Variants in SLC22A23 observed in about 807,000 individuals in gnomAD.
SLC22A23 encodes solute carrier family 22 member 23.
SLC22A23 carries 26 observed loss-of-function variants against 61.0 expected under a neutral mutation model. The observed-to-expected ratio is 0.43, with a 90% CI of 0.31 to 0.59. SLC22A23 has a LOEUF of 0.59. Ranked by LOEUF, SLC22A23 falls within the 20% of genes least tolerant of loss-of-function variation. The probability of loss-of-function intolerance (pLI) is 0.11; values close to 1 mark genes in which losing one functional copy is unlikely to be tolerated. For synonymous variants in SLC22A23, 430 were observed against 413.9 expected (o/e 1.04, Z -0.47); for missense variants, 796 against 934.7 (o/e 0.85, Z 1.94).
At chr6:3,434,504 G>A (rs1464941403) in intron 1 of SLC22A23, among the ~76,000 whole-genome samples, 1 of 151,938 alleles carries the variant, frequency 6.6e-6, no homozygotes, top group East Asian at 1.9e-4. Flanking sequence ...AGCTACTCAG[G>A]AGGCTGAGGC....
At position 3,283,395 on chromosome 6, in the gene SLC22A23, G is replaced by T. The variant is rs549406236; in HGVS notation, c.1703+457C>A. On this transcript the variant is annotated intron_variant, in intron 9 of 9. Coordinates refer to ENST00000406686, the MANE Select transcript of SLC22A23 (RefSeq NM_015482.2). Reference sequence around the variant, plus strand: ...TGCAGTGAGCCAAGATCATGCCATTGTACTCCAGGCTGGGCAATAAGAGTG... The same window carrying T: ...TGCAGTGAGCCAAGATCATGCCATTTTACTCCAGGCTGGGCAATAAGAGTG... The T allele has an allele frequency of 2.1e-5, 5 of 233,052 alleles. No homozygotes were observed. The East Asian group carries it at 5.8e-4, about 27-fold the overall frequency. The allele number at this position is 233,052 out of a possible 1,614,324, so 14.4% of individuals were successfully genotyped here. A position where few individuals can be genotyped will look rare whatever the true frequency, so the allele number is the denominator to read the frequency against.
intron 3 of SLC22A23, among the ~76,000 whole-genome samples, chr6:3,355,843 C>T (rs557106128): frequency 3.3e-5 from 5 of 150,676 alleles, no homozygotes; most frequent in African/African-American, 1.2e-4. Context: ...TCCCTGTCTC[C>T]GCATCGACAC....
intron 1 of SLC22A23, among the ~76,000 whole-genome samples, chr6:3,446,882 G>A (rs906393302): frequency 1.3e-5 from 2 of 152,074 alleles, no homozygotes; most frequent in Non-Finnish European, 1.5e-5. Flanking sequence ...CTGGCTAAGG[G>A]CATCTCCCTG....
intron 1 of SLC22A23, among the ~76,000 whole-genome samples, chr6:3,440,029 C>T (rs887641800): frequency 8.6e-5 from 13 of 151,970 alleles, no homozygotes; most frequent in African/African-American, 2.7e-4. Flanking sequence ...TGGAGAGCCA[C>T]GGAGGATTTG....
At chr6:3,366,902 A>C (rs1765872821) in intron 3 of SLC22A23, among the ~76,000 whole-genome samples, 1 of 152,174 alleles carries the variant, frequency 6.6e-6, no homozygotes, top group Admixed American at 6.5e-5. Context: ...CTTAGTTGAT[A>C]TTTGTCAGTG....
chr6:3,449,886 A>C (rs1772085339), intron 1 of SLC22A23, among the ~76,000 whole-genome samples: 1 of 152,268 alleles, frequency 6.6e-6, no homozygotes, highest in East Asian at 1.9e-4. Flanking sequence ...GACTGGAGAC[A>C]AACTTAATGC....
intron 3 of SLC22A23, among the ~76,000 whole-genome samples, chr6:3,340,434 C>T (rs1041385791): frequency 2.6e-5 from 4 of 152,118 alleles, no homozygotes; most frequent in Non-Finnish European, 5.9e-5. Context: ...CATACGTAAC[C>T]GCAGCAGAGT....
chr6:3,306,328 G>A (rs1228852992), intron 4 of SLC22A23, among the ~76,000 whole-genome samples: 1 of 152,168 alleles, frequency 6.6e-6, no homozygotes, highest in African/African-American at 2.4e-5. Context: ...ATTTGGAAGG[G>A]ACTCATGTGC....
intron 1 of SLC22A23, among the ~76,000 whole-genome samples, chr6:3,439,917 T>G (rs977989020): frequency 2.6e-5 from 4 of 151,858 alleles, no homozygotes; most frequent in Non-Finnish European, 5.9e-5. Flanking sequence ...AATCGGTGGG[T>G]GGAGCTCTGG....
chr6:3,381,706 A>G (rs1009672942), intron 3 of SLC22A23, among the ~76,000 whole-genome samples: 2 of 152,184 alleles, frequency 1.3e-5, no homozygotes, highest in African/African-American at 2.4e-5. Flanking sequence ...TATTTCTTAC[A>G]GGCTTATGGT....
chr6:3,282,087 T>A, intron 9 of SLC22A23: 1 of 628,082 alleles, frequency 1.6e-6, no homozygotes, highest in Non-Finnish European at 2.9e-6. Flanking sequence ...AGCCACCCCC[T>A]CCCCCAACAA....
chr6:3,378,657 C>CT (rs574704294), intron 3 of SLC22A23, among the ~76,000 whole-genome samples: 69,928 of 118,472 alleles, frequency 0.59, 21,240 homozygotes, highest in South Asian at 0.68. Context: ...TTTCTTTTTT[C>CT]TTTTTTTTTT....
rs770285780 is a variant in SLC22A23, at chr6:3,273,301, G to A, written c.1815C>T (p.Ala605=). ...AGATGATGCAGATGAGCGTGCAGCA[G>A]GCAAAGATGATGTGGTGCAGGAAGT... ...KGYFLHHIIF[A]CCTLICIICI... is the part of the protein sequence containing the mutation. Residue 605 remains alanine (A), a synonymous_variant, in exon 10 of 10, where the codon GCC becomes GCT. Coordinates refer to ENST00000406686, the MANE Select transcript of SLC22A23 (RefSeq NM_015482.2). 1 of 1,614,122 alleles carries A rather than the reference G, an allele frequency of 6.2e-7. No homozygotes were observed. The highest frequency in any genetic ancestry group is 8.5e-7 in the Non-Finnish European group (1 of 1,179,978).
rs41301849 is a variant in SLC22A23 at position 3,287,164 on chromosome 6, G to C, written c.1314-73C>G. ...GGGCTGCGCTGCCTCCTGGGAGTTC[G>C]TGCTGTCAGGTGACCAGGAGATGAA... On this transcript the variant is annotated intron_variant, in intron 6 of 9. Coordinates refer to ENST00000406686, the MANE Select transcript of SLC22A23 (RefSeq NM_015482.2). The C allele has an allele frequency of 2.2e-5, 30 of 1,376,222 alleles. No individual in the cohort carries two copies. In the East Asian group the frequency reaches 7.3e-4, roughly 34 times the overall value. The allele number at this position is 1,376,222 out of a possible 1,614,324, so 85.3% of individuals were successfully genotyped here.
At chr6:3,299,098 C>T (rs1011681017) in intron 4 of SLC22A23, among the ~76,000 whole-genome samples, 1 of 152,014 alleles carries the variant, frequency 6.6e-6, no homozygotes, top group African/African-American at 2.4e-5. Flanking sequence ...ACTGTGTACC[C>T]CATAAATATG....
intron 3 of SLC22A23, among the ~76,000 whole-genome samples, chr6:3,393,254 G>T (rs1446498504): frequency 6.6e-6 from 1 of 152,204 alleles, no homozygotes; most frequent in Non-Finnish European, 1.5e-5. Context: ...ACAATGCTTG[G>T]GGCTCATGTT....
intron 5 of SLC22A23, chr6:3,291,942 T>TG (rs1439566057): frequency 6.6e-6 from 1 of 152,276 alleles, no homozygotes; most frequent in Non-Finnish European, 1.5e-5. Flanking sequence ...AACTGCATTA[T>TG]GACCTGAGCT....
At chr6:3,363,265 G>A (rs767058861) in intron 3 of SLC22A23, among the ~76,000 whole-genome samples, 1 of 152,210 alleles carries the variant, frequency 6.6e-6, no homozygotes, top group Admixed American at 6.5e-5. Flanking sequence ...CTCACCAGGC[G>A]CAGCAGCAAT....
intron 3 of SLC22A23, among the ~76,000 whole-genome samples, chr6:3,378,635 CTTTTT>C (rs1033257996): frequency 7.0e-6 from 1 of 142,388 alleles, no homozygotes; most frequent in Non-Finnish European, 1.5e-5. Context: ...CTGTGTCAGA[CTTTTT>C]TTTTCTTTTC....
Sources: allele counts gnomAD v4.1 joint callset (sites outside exome capture counted in the v4.1 genomes callset), GRCh38; gene constraint gnomAD v4.1.1; transcripts MANE v1.5; gene names NCBI Gene and HGNC (gene_info 2026-07-23, HGNC 2026-07-21).